Variants in PSD3 observed in about 807,000 individuals in gnomAD.
PSD3 encodes the protein pleckstrin and Sec7 domain containing 3.
Under a neutral mutation model 105.5 loss-of-function variants are expected in PSD3, and 49 were observed. The ratio of observed to expected loss-of-function variants is 0.46; its 90% confidence interval spans 0.37 to 0.59. PSD3 has a LOEUF of 0.59. Ranked by LOEUF, PSD3 falls within the 20% of genes least tolerant of loss-of-function variation. The probability of loss-of-function intolerance (pLI) is 0.00; values close to 1 mark genes in which losing one functional copy is unlikely to be tolerated. For synonymous variants in PSD3, 557 were observed against 457.8 expected (o/e 1.22, Z -2.77); for missense variants, 1,561 against 1,263.8 (o/e 1.24, Z -3.57).
At chr8:18,612,493 T>C (rs917232313) in intron 11 of PSD3, among the ~76,000 whole-genome samples, 6 of 151,988 alleles carry the variant, frequency 3.9e-5, no homozygotes, top group Non-Finnish European at 7.4e-5. Flanking sequence ...CTGCCTCAGC[T>C]TCCCCAATAG....
At chr8:18,649,595 G>C (rs1325188762) in intron 10 of PSD3, among the ~76,000 whole-genome samples, 1 of 152,208 alleles carries the variant, frequency 6.6e-6, no homozygotes, top group African/African-American at 2.4e-5. Context: ...GGACTGTTGG[G>C]AAGGCATGAC....
Position 18,629,206 on chromosome 8 carries a change from T to C in PSD3, c.2410+3407A>G, listed in dbSNP as rs138592703. ...ATATAACCAGGGGTGTCGGACGTCA[T>C]TTCATGACAAAGGGGTCAAATCATC... On this transcript the variant is annotated intron_variant, in intron 11 of 15. Transcript: ENST00000327040. 2.3e-3 allele frequency among the ~76,000 whole-genome samples: 350 copies of C among 152,122 alleles called. 4 individuals are homozygous for C. Among genetic ancestry groups the C allele is most frequent in the African/African-American group, 8.2e-3 (339 of 41,544 alleles).
At chr8:18,619,618 G>A (rs1438967448) in intron 11 of PSD3, among the ~76,000 whole-genome samples, 1 of 151,614 alleles carries the variant, frequency 6.6e-6, no homozygotes, top group Non-Finnish European at 1.5e-5. Context: ...ACTCCAGCCT[G>A]GGCAACAAGA....
chr8:19,046,508 C>A lies in PSD3; in HGVS notation c.324+37698G>T, dbSNP rs28510898. On this transcript the variant is annotated intron_variant, in intron 1 of 1. Transcript: ENST00000521475. ...ATTCATTCAACAAATGAGTTAAGTT[C>A]CCAGCATCATGCATCTGGCTGAGGT... Among the ~76,000 whole-genome samples the A allele has an allele frequency of 4.8e-3, 738 of 152,312 alleles. 9 individuals are homozygous for A. The highest frequency in any genetic ancestry group is 0.017 in the African/African-American group (717 of 41,564).
chr8:18,932,816 C>G (rs17127459), intron 2 of PSD3, among the ~76,000 whole-genome samples: 6,124 of 152,294 alleles, frequency 0.04, 176 homozygotes, highest in South Asian at 0.064. Flanking sequence ...CAAACAATTT[C>G]TATTTCCTGC....
intron 2 of PSD3, among the ~76,000 whole-genome samples, chr8:18,925,114 C>T (rs187800757): frequency 1.5e-4 from 23 of 152,254 alleles, no homozygotes; most frequent in African/African-American, 3.4e-4. Context: ...AGAAAGAGTG[C>T]TTTCAACTCA....
At chr8:18,896,959 C>A (rs1373139399) in intron 2 of PSD3, among the ~76,000 whole-genome samples, 1 of 151,976 alleles carries the variant, frequency 6.6e-6, no homozygotes, top group East Asian at 1.9e-4. Context: ...TACAGGCATG[C>A]ACCACCATGC....
intron 4 of PSD3, among the ~76,000 whole-genome samples, chr8:18,834,986 C>G (rs1191380528): frequency 6.6e-6 from 1 of 152,128 alleles, no homozygotes; most frequent in African/African-American, 2.4e-5. Context: ...AAAGCTCATC[C>G]ATGTCAAAGA....
chr8:18,819,905 G>A (rs1338566003), intron 4 of PSD3, among the ~76,000 whole-genome samples: 1 of 152,224 alleles, frequency 6.6e-6, no homozygotes, highest in Non-Finnish European at 1.5e-5. Flanking sequence ...ATCAACCAGT[G>A]TGAACCCTGG....
intron 4 of PSD3, among the ~76,000 whole-genome samples, chr8:18,843,467 T>C (rs573562631): frequency 8.5e-5 from 13 of 152,304 alleles, no homozygotes; most frequent in African/African-American, 3.1e-4. Flanking sequence ...TCCCTTCATA[T>C]AACGAAGTAA....
At chr8:18,604,444 A>G (rs991599167) in intron 11 of PSD3, among the ~76,000 whole-genome samples, 2 of 152,156 alleles carry the variant, frequency 1.3e-5, no homozygotes, top group African/African-American at 4.8e-5. Flanking sequence ...TCCTATGCTC[A>G]TATGTGTGAG....
intron 1 of PSD3, among the ~76,000 whole-genome samples, chr8:19,063,803 T>G (rs988125422): frequency 9.2e-5 from 14 of 152,100 alleles, no homozygotes; most frequent in Non-Finnish European, 1.8e-4. Flanking sequence ...ATTTTTAGCA[T>G]CTTATAATCC....
intron 2 of PSD3, among the ~76,000 whole-genome samples, chr8:18,927,962 G>C (rs554566919): frequency 6.6e-6 from 1 of 152,130 alleles, no homozygotes; most frequent in African/African-American, 2.4e-5. Flanking sequence ...GTTTAATGTA[G>C]AATTGCCATT....
intron 15 of PSD3, among the ~76,000 whole-genome samples, chr8:18,543,418 T>C (rs1216231758): frequency 1.3e-5 from 2 of 151,948 alleles, no homozygotes; most frequent in Non-Finnish European, 2.9e-5. Flanking sequence ...ATCGAGACCA[T>C]CTTGGCTAAC....
At chr8:19,072,117 T>A (rs2129477967) in intron 1 of PSD3, among the ~76,000 whole-genome samples, 1 of 151,856 alleles carries the variant, frequency 6.6e-6, no homozygotes, top group African/African-American at 2.4e-5. Flanking sequence ...TTTTTTTTTT[T>A]TTGTGACGGA....
intron 9 of PSD3, among the ~76,000 whole-genome samples, chr8:18,724,357 A>G (rs1803202117): frequency 6.6e-6 from 1 of 152,164 alleles, no homozygotes; most frequent in Non-Finnish European, 1.5e-5. Flanking sequence ...CATGCTTGTA[A>G]TCCCAGCATT....
chr8:19,065,097 C>G (rs952032434), intron 1 of PSD3, among the ~76,000 whole-genome samples: 9 of 152,184 alleles, frequency 5.9e-5, no homozygotes, highest in African/African-American at 1.9e-4. Context: ...TAAGGAAGTC[C>G]CCTCTGTTTT....
chr8:19,009,416 G>C (rs886340692), intron 1 of PSD3, among the ~76,000 whole-genome samples: 4 of 152,164 alleles, frequency 2.6e-5, no homozygotes, highest in Non-Finnish European at 5.9e-5. Flanking sequence ...CTCACTGTGG[G>C]ATCTTGAGCA....
chr8:19,028,288 C>CCCT (rs1827637013), intron 1 of PSD3, among the ~76,000 whole-genome samples: 1 of 110,606 alleles, frequency 9.0e-6, no homozygotes, highest in African/African-American at 3.6e-5. Context: ...ACCCCCCCCC[C>CCCT]CCGGCCCACC....
Sources: gnomAD v4.1 joint callset for allele counts (sites outside exome capture counted in the v4.1 genomes callset) on GRCh38, gnomAD v4.1.1 for gene constraint, MANE v1.5 for transcripts, NCBI Gene and HGNC (gene_info 2026-07-23, HGNC 2026-07-21) for gene names.